The following NBPF12 variants were observed in gnomAD, a reference collection of about 807,000 sequenced individuals.
The protein encoded by NBPF12 is NBPF family member NBPF12.
NBPF12 carries 115 observed loss-of-function variants against 146.4 expected under a neutral mutation model. That is an observed-to-expected ratio of 0.79 (90% CI 0.68 to 0.92). The LOEUF is 0.92. NBPF12 is among the 40% of genes least tolerant of loss of function. The pLI, the probability that NBPF12 is intolerant of heterozygous loss-of-function variation, is 0.00. For synonymous variants in NBPF12, 385 were observed against 508.9 expected (o/e 0.76, Z 3.28); for missense variants, 1,205 against 1,326.8 (o/e 0.91, Z 1.43).
At chr1:146,962,436 G>C (rs1289882836) in intron 5 of NBPF12, among the ~76,000 whole-genome samples, 173 bp downstream of exon 8, 1 of 151,976 alleles carries the variant, frequency 6.6e-6, no homozygotes. Flanking sequence ...AATAAGTTCT[G>C]TGTTGCAGTT....
upstream of NBPF12, among the ~76,000 whole-genome samples, chr1:146,945,061 TCCC>T (rs1176894724): frequency 2.0e-4 from 25 of 126,918 alleles, no homozygotes; most frequent in Admixed American, 5.7e-4. Context: ...CCTCCCTCCC[TCCC>T]TTCTTTTCTT....
chr1:146,945,452 A>G (rs1655008333), upstream of NBPF12, among the ~76,000 whole-genome samples: 1 of 151,698 alleles, frequency 6.6e-6, no homozygotes, highest in African/African-American at 2.4e-5. Context: ...TGCCTAACTG[A>G]TCTGCTAGCT....
At chr1:146,969,958 G>A (rs1553886140) in intron 11 of NBPF12, among the ~76,000 whole-genome samples, 11 of 150,716 alleles carry the variant, frequency 7.3e-5, no homozygotes, top group African/African-American at 2.7e-4. Flanking sequence ...TTCTTAGTAA[G>A]TGTCGGTGAG....
At chr1:146,961,948 T>C (rs1184660281) in intron 4 of NBPF12, among the ~76,000 whole-genome samples, 4 of 152,092 alleles carry the variant, frequency 2.6e-5, no homozygotes, top group South Asian at 2.1e-4. Context: ...CTTGATGTGC[T>C]CTTGAGTTTC....
At chr1:146,964,807 C>T (rs1231993902) in intron 7 of NBPF12, 86 bp from the exon 11 acceptor site, 38,630 of 1,593,760 alleles carry the variant, frequency 0.024, 478 homozygotes, top group Non-Finnish European at 0.029. Flanking sequence ...CTCTTAATGC[C>T]GCCTGTCAAA....
exon 1 of NBPF12, chr1:146,938,843 GCTT>G (rs1474371377): frequency 2.0e-5 from 3 of 152,678 alleles, no homozygotes; most frequent in African/African-American, 7.2e-5. Context: ...GGCTGCCTGA[GCTT>G]CTGAGTGAGC....
At position 146,964,344 on chromosome 1, in the gene NBPF12, T is replaced by A; in HGVS notation, c.494-13T>A. The A allele has an allele frequency of 1.2e-6, 2 of 1,602,698 alleles. No homozygotes were observed. The highest frequency in any genetic ancestry group is 4.5e-5 in the East Asian group (2 of 44,850). On this transcript the variant is annotated splice_polypyrimidine_tract_variant and intron_variant, in intron 6 of 33. Transcript: ENST00000617844. ...AAGTGGGACATATCTGAATGAACAT[T>A]TTGTATTTATAGAAAATGATGAAGA...
chr1:146,964,899 G>A, exon 8 of NBPF12: 1 of 1,595,964 alleles, frequency 6.3e-7, no homozygotes, highest in Admixed American at 1.7e-5. Flanking sequence ...TCAGGGAGGT[G>A]CAGAAGGCTG....
At chr1:146,961,865 C>A (rs1230981702) in intron 4 of NBPF12, among the ~76,000 whole-genome samples, 11 of 152,078 alleles carry the variant, frequency 7.2e-5, no homozygotes, top group African/African-American at 1.9e-4. Flanking sequence ...AGTGGCCCCG[C>A]ATTCAGAGTC....
chr1:146,994,602 C>G, exon 34 of NBPF12: 2 of 1,587,392 alleles, frequency 1.3e-6, no homozygotes, highest in Non-Finnish European at 1.7e-6. Flanking sequence ...CGAGAGGTTT[C>G]ATTCCTGCAG....
intron 12 of NBPF12, 122 bp from the exon 16 acceptor site, chr1:146,971,061 C>T: frequency 6.7e-7 from 1 of 1,503,226 alleles, no homozygotes; most frequent in Non-Finnish European, 9.2e-7. Flanking sequence ...TTAAAGGGAA[C>T]CTCCATTTTG....
chr1:146,977,195 C>T (rs1408814809), intron 17 of NBPF12, among the ~76,000 whole-genome samples, 194 bp downstream of exon 20: 1 of 143,506 alleles, frequency 7.0e-6, no homozygotes, highest in African/African-American at 2.6e-5. Context: ...GTCATGTCTG[C>T]ACCGTACAGG....
chr1:146,984,864 A>T (rs1657652735), exon 22 of NBPF12: 6 of 1,564,672 alleles, frequency 3.8e-6, no homozygotes, highest in Non-Finnish European at 5.3e-6. Context: ...TGCAGGACTC[A>T]CTGGATAGAT....
chr1:146,961,419 T>G (rs1480900093), intron 4 of NBPF12, among the ~76,000 whole-genome samples: 31 of 152,074 alleles, frequency 2.0e-4, no homozygotes, highest in African/African-American at 7.0e-4. Context: ...CTCTGTAAAT[T>G]GCTGCAATGA....
At chr1:146,971,955 T>G (rs1178239876) in intron 13 of NBPF12, among the ~76,000 whole-genome samples, 9 of 147,162 alleles carry the variant, frequency 6.1e-5, no homozygotes, top group African/African-American at 1.5e-4. Flanking sequence ...GGGCGCGGTG[T>G]TGGGTGCCTG....
At chr1:146,959,194 G>T (rs1372115673) in intron 2 of NBPF12, among the ~76,000 whole-genome samples, 76 of 92,668 alleles carry the variant, frequency 8.2e-4, no homozygotes, top group African/African-American at 2.9e-3. Flanking sequence ...AAGAGAAGTC[G>T]GCCGTGTGCG....
rs1656123576 is a variant in NBPF12 at position 146,965,431 on chromosome 1, C to G, written c.778+327C>G. Among the ~76,000 whole-genome samples, 3 of 149,540 alleles carry G rather than the reference C, an allele frequency of 2.0e-5. No individual in the cohort carries two copies. In the South Asian group the frequency reaches 6.4e-4, roughly 32 times the overall value. On this transcript the variant is annotated intron_variant, in intron 8 of 33. Coordinates refer to ENST00000617844, the Ensembl canonical transcript of NBPF12. ...GGGAGGATGGGCTGAGATGATCCTC[C>G]CACCCTCATTCACTTCTGTCAGGCT...
At chr1:146,986,121 C>T (rs1353116639) in intron 23 of NBPF12, among the ~76,000 whole-genome samples, 18 of 151,816 alleles carry the variant, frequency 1.2e-4, no homozygotes, top group African/African-American at 3.6e-4. Context: ...CCGGCCAATT[C>T]GCTGAGCTCA....
intron 1 of NBPF12, among the ~76,000 whole-genome samples, chr1:146,939,978 C>A (rs1654720995): frequency 6.3e-5 from 3 of 47,988 alleles, no homozygotes; most frequent in Non-Finnish European, 1.4e-4. Context: ...GAGCGAGACT[C>A]CCTCTAAAAA....
Sources: allele counts gnomAD v4.1 joint callset (sites outside exome capture counted in the v4.1 genomes callset), GRCh38; gene constraint gnomAD v4.1.1; transcripts MANE v1.5; gene names NCBI Gene and HGNC (gene_info 2026-07-23, HGNC 2026-07-21).